IARS1: variants seen among roughly 807,000 people sequenced by gnomAD.
The protein encoded by IARS1 is isoleucyl-tRNA synthetase 1, also known as isoleucine--tRNA ligase, cytoplasmic.
IARS1 carries 124 observed loss-of-function variants against 168.2 expected under a neutral mutation model. The ratio of observed to expected loss-of-function variants is 0.74; its 90% confidence interval spans 0.64 to 0.86. The LOEUF is 0.86. Ranked by LOEUF, IARS1 falls within the 40% of genes least tolerant of loss-of-function variation. IARS1 has a pLI of 0.00. For synonymous variants in IARS1, 532 were observed against 529.4 expected, an observed-to-expected ratio of 1.00 and a Z score of -0.07; for missense variants, 1,452 against 1,515.8, an observed-to-expected ratio of 0.96 and a Z score of 0.70.
At chr9:92,277,821 C>A (rs200326948) in intron 9 of IARS1, 42 bp downstream of exon 9, 175 of 1,536,750 alleles carry the variant, frequency 1.1e-4, no homozygotes, top group Non-Finnish European at 1.4e-4. Context: ...ATCAAATAAT[C>A]AGATTGTGGA....
Position 92,264,931 on chromosome 9 carries a change from T to A in IARS1, c.1698A>T (p.Gly566=). Residue 566 remains glycine (G), a splice_region_variant and synonymous_variant, in exon 16 of 34, where the codon GGA becomes GGT. Coordinates refer to ENST00000443024, the MANE Select transcript of IARS1 (RefSeq NM_002161.6). ...FIAEGIDQTR[G]WFYTLLVLAT... The stretch of plus-strand genomic sequence containing the variant: ...GATGAAAGAACAAGGAGGCATACCA[T>A]CCTCTGGTTTGGTCGATGCCCTCGG... 6.2e-7 allele frequency: 1 copy of A among 1,611,296 alleles called. No homozygotes were observed. Among genetic ancestry groups the A allele is most frequent in the South Asian group, 1.1e-5 (1 of 90,500 alleles).
At chr9:92,238,165 C>T (rs1827829099) in intron 30 of IARS1, among the ~76,000 whole-genome samples, 1 of 152,104 alleles carries the variant, frequency 6.6e-6, no homozygotes, top group Middle Eastern at 3.2e-3. Flanking sequence ...CTTGGCCTTC[C>T]AGTGTTGGGA....
intron 29 of IARS1, 32 bp downstream of exon 29, chr9:92,242,122 T>G: frequency 6.4e-7 from 1 of 1,558,754 alleles, no homozygotes; most frequent in Non-Finnish European, 8.8e-7. Context: ...CTGAAACCCT[T>G]TAGTAGTAGT....
At chr9:92,234,323 T>C (rs959787098) in intron 30 of IARS1, among the ~76,000 whole-genome samples, 3 of 152,214 alleles carry the variant, frequency 2.0e-5, no homozygotes, top group Admixed American at 2.0e-4. Flanking sequence ...CGATGATTTG[T>C]ATGGTTTTTT....
chr9:92,279,387 T>G (rs1413577533), intron 7 of IARS1, among the ~76,000 whole-genome samples: 1 of 152,188 alleles, frequency 6.6e-6, no homozygotes, highest in African/African-American at 2.4e-5. Flanking sequence ...CACCACAGAA[T>G]GGCTAGTGAC....
At position 92,288,299 on chromosome 9, in the gene IARS1, A is replaced by C. The variant is rs746917147; in HGVS notation, c.120-17T>G. The C allele has an allele frequency of 6.2e-7, 1 of 1,613,486 alleles. No homozygotes were observed. Among genetic ancestry groups the C allele is most frequent in the Non-Finnish European group, 8.5e-7 (1 of 1,179,564 alleles). On this transcript the variant is annotated splice_polypyrimidine_tract_variant and intron_variant, in intron 2 of 33. Transcript: ENST00000443024. ...AAGGTAAATCTAACAGGTAATAAAA[A>C]TATATCAAGCCATTTAAAAACAGCC...
intron 19 of IARS1, among the ~76,000 whole-genome samples, chr9:92,257,030 A>G (rs974490163): frequency 6.6e-6 from 1 of 152,224 alleles, no homozygotes; most frequent in Admixed American, 6.5e-5. Flanking sequence ...GTTTAGGAAA[A>G]CATTACTTCT....
intron 20 of IARS1, among the ~76,000 whole-genome samples, chr9:92,256,158 C>T (rs1830685796): frequency 6.6e-6 from 1 of 151,672 alleles, no homozygotes; most frequent in African/African-American, 2.4e-5. Context: ...ACGAGGACAC[C>T]CCCTAAAGAC....
intron 19 of IARS1, 49 bp from the exon 20 acceptor site, chr9:92,256,849 A>G (rs1830801633): frequency 6.4e-7 from 1 of 1,556,660 alleles, no homozygotes; most frequent in African/African-American, 1.4e-5. Flanking sequence ...GAAGAAAGTT[A>G]CTATGAGGAA....
intron 27 of IARS1, among the ~76,000 whole-genome samples, chr9:92,244,068 T>A (rs1828836827): frequency 6.6e-6 from 1 of 152,064 alleles, no homozygotes; most frequent in African/African-American, 2.4e-5. Flanking sequence ...CATGATAAAC[T>A]CAAAATTCCA....
intron 8 of IARS1, 94 bp downstream of exon 8, chr9:92,278,105 A>G (rs1834020728): frequency 9.0e-7 from 1 of 1,107,022 alleles, no homozygotes; most frequent in African/African-American, 1.6e-5. Context: ...GAATAATGCA[A>G]GCTTTTGGAT....
chr9:92,242,113 T>C, intron 29 of IARS1, 41 bp downstream of exon 29: 4 of 1,521,762 alleles, frequency 2.6e-6, no homozygotes, highest in Non-Finnish European at 3.6e-6. Context: ...AAACCTAATC[T>C]GAAACCCTTT....
chr9:92,243,736 A>G (rs1828786261), intron 27 of IARS1, among the ~76,000 whole-genome samples: 1 of 152,200 alleles, frequency 6.6e-6, no homozygotes, highest in Non-Finnish European at 1.5e-5. Flanking sequence ...GTCAACTCCA[A>G]GTGACTTTCC....
At chr9:92,261,568 C>A (rs1443329281) in intron 17 of IARS1, among the ~76,000 whole-genome samples, 1 of 152,040 alleles carries the variant, frequency 6.6e-6, no homozygotes, top group Non-Finnish European at 1.5e-5. Context: ...TGCGTATAAG[C>A]AAATAAGTAT....
At chr9:92,258,768 C>T (rs1468619137) in intron 19 of IARS1, 86 bp downstream of exon 19, 3 of 1,383,186 alleles carry the variant, frequency 2.2e-6, no homozygotes, top group Non-Finnish European at 2.9e-6. Flanking sequence ...GCCCTAAAGT[C>T]TCACACAGAG....
chr9:92,235,979 ATCT>A (rs1234341696), intron 30 of IARS1, among the ~76,000 whole-genome samples: 1 of 151,578 alleles, frequency 6.6e-6, no homozygotes, highest in Non-Finnish European at 1.5e-5. Context: ...TCTGTTTTCT[ATCT>A]TTTTTTTTTC....
chr9:92,258,533 T>C (rs543939538), intron 19 of IARS1, among the ~76,000 whole-genome samples: 16 of 152,268 alleles, frequency 1.1e-4, no homozygotes, highest in Non-Finnish European at 1.6e-4. Flanking sequence ...GAGGTTACAG[T>C]GAGCCGAGAT....
rs200966586 is a variant in IARS1, at chr9:92,268,304, C to A, written c.1305-4G>T. On this transcript the variant is annotated splice_region_variant and splice_polypyrimidine_tract_variant and intron_variant, in intron 13 of 33. Coordinates refer to ENST00000443024, the MANE Select transcript of IARS1 (RefSeq NM_002161.6). ...TTCTCGTACCAACTCTGGGACCCTGCAATAAACAGATCACATAACCAATCA... is the reference window on the plus strand; with the variant it reads ...TTCTCGTACCAACTCTGGGACCCTGAAATAAACAGATCACATAACCAATCA... 190 of 1,607,084 alleles carry A rather than the reference C, an allele frequency of 1.2e-4. No homozygotes were observed. The highest frequency in any genetic ancestry group is 1.6e-4 in the Non-Finnish European group (183 of 1,178,336).
intron 22 of IARS1, chr9:92,251,089 T>A: frequency 1.9e-6 from 1 of 522,160 alleles, no homozygotes. Context: ...CAGGAGCACC[T>A]AATGATGTAT....
Sources: allele counts gnomAD v4.1 joint callset (sites outside exome capture counted in the v4.1 genomes callset), GRCh38; gene constraint gnomAD v4.1.1; transcripts MANE v1.5; gene names NCBI Gene and HGNC (gene_info 2026-07-23, HGNC 2026-07-21).